PLGRKT: variants seen among roughly 807,000 people sequenced by gnomAD.
PLGRKT encodes plasminogen receptor with a C-terminal lysine, also known as plasminogen receptor (KT).
In PLGRKT, 22 loss-of-function variants were observed where a neutral mutation model predicts 18.5. That is an observed-to-expected ratio of 1.19 (90% confidence interval 0.85 to 1.70). The LOEUF is 1.70. PLGRKT is among the 40% of genes most tolerant of loss of function. The pLI is 0.00. For synonymous variants in PLGRKT, 72 were observed against 52.8 expected, an observed-to-expected ratio of 1.36 and a Z score of -1.58; for missense variants, 235 against 174.4, an observed-to-expected ratio of 1.35 and a Z score of -1.96.
intron 3 of PLGRKT, among the ~76,000 whole-genome samples, chr9:5,390,095 T>C (rs1208970325): frequency 6.6e-6 from 1 of 151,770 alleles, no homozygotes; most frequent in Non-Finnish European, 1.5e-5. Flanking sequence ...TAGAAGATTC[T>C]AAAATCCAGA....
intron 5 of PLGRKT, 93 bp downstream of exon 5, chr9:5,360,985 C>T: frequency 1.4e-6 from 1 of 713,334 alleles, no homozygotes; most frequent in Non-Finnish European, 2.4e-6. Context: ...AGAGTCTTGT[C>T]AGAATCTTTA....
chr9:5,418,455 C>T lies in PLGRKT; in HGVS notation c.81+13442G>A. On this transcript the variant is annotated intron_variant, in intron 3 of 5. Coordinates refer to ENST00000223864, the MANE Select transcript of PLGRKT (RefSeq NM_018465.4). This position sits in a 1 kb window ranked among gnomAD's most constrained non-coding sequence, Gnocchi z 4.2. ...TGAGGAGGAAGACCAAGACGCAAGCCACCAAGATGACAGTGCACACCCTCA... is the reference window on the plus strand; with the variant it reads ...TGAGGAGGAAGACCAAGACGCAAGCTACCAAGATGACAGTGCACACCCTCA... 9.6e-7 allele frequency: 1 copy of T among 1,036,830 alleles called. No homozygotes were observed. The highest frequency in any genetic ancestry group is 2.5e-5 in the East Asian group (1 of 39,530). 64.2% of individuals were successfully genotyped at this position (1,036,830 alleles called of 1,614,324 possible). A position where few individuals can be genotyped will look rare whatever the true frequency, so the allele number is the denominator to read the frequency against.
intron 3 of PLGRKT, among the ~76,000 whole-genome samples, chr9:5,402,946 C>G (rs1474627483): frequency 6.6e-6 from 1 of 151,704 alleles, no homozygotes; most frequent in Non-Finnish European, 1.5e-5. Flanking sequence ...CAGAAATGAG[C>G]AAGGGGCATT....
At chr9:5,409,679 T>C (rs1818324594) in intron 3 of PLGRKT, among the ~76,000 whole-genome samples, 2 of 152,190 alleles carry the variant, frequency 1.3e-5, no homozygotes, top group Non-Finnish European at 2.9e-5. Flanking sequence ...GCCCAAAGCC[T>C]TGGGAGCCCA....
chr9:5,359,307 C>G (rs1007451028), intron 5 of PLGRKT, among the ~76,000 whole-genome samples: 2 of 152,104 alleles, frequency 1.3e-5, no homozygotes, highest in African/African-American at 4.8e-5. Flanking sequence ...GCTTTGGCCT[C>G]CCAAAGTGCT....
At chr9:5,435,732 C>A (rs974337146) in intron 2 of PLGRKT, among the ~76,000 whole-genome samples, 1 of 152,214 alleles carries the variant, frequency 6.6e-6, no homozygotes, top group South Asian at 2.1e-4. Context: ...GGGAAAGTTA[C>A]AACTGCTCTA....
chr9:5,379,866 C>T (rs931547751), intron 3 of PLGRKT, among the ~76,000 whole-genome samples: 5 of 152,114 alleles, frequency 3.3e-5, no homozygotes, highest in Non-Finnish European at 7.4e-5. Flanking sequence ...GATAGAAAAT[C>T]TTCATGCTTT....
Position 5,387,406 on chromosome 9 carries a change from A to G in PLGRKT, c.82-25518T>C, listed in dbSNP as rs2131103925. Among the ~76,000 whole-genome samples, 2 of 152,058 alleles carry G rather than the reference A, an allele frequency of 1.3e-5. 1 individual carries two copies. The highest frequency in any genetic ancestry group is 4.8e-5 in the African/African-American group (2 of 41,320). ...CAAACTGGAATTAATCCACATGACC[A>G]TCAACAGCAGAATGGATAATTATGG... On this transcript the variant is annotated intron_variant, in intron 3 of 5. Coordinates refer to ENST00000223864, the MANE Select transcript of PLGRKT (RefSeq NM_018465.4).
At chr9:5,419,350 A>G (rs1403230778) in intron 3 of PLGRKT, among the ~76,000 whole-genome samples, 1 of 152,232 alleles carries the variant, frequency 6.6e-6, no homozygotes, top group African/African-American at 2.4e-5. Context: ...TGGAAATGGT[A>G]CGTGTTTGGG....
intron 3 of PLGRKT, among the ~76,000 whole-genome samples, chr9:5,371,040 TTATTA>T (rs1225225976): frequency 2.6e-5 from 4 of 152,234 alleles, no homozygotes; most frequent in Admixed American, 6.5e-5. Context: ...TAACAGCATC[TTATTA>T]TATATCTTCC....
intron 5 of PLGRKT, among the ~76,000 whole-genome samples, chr9:5,360,198 A>C (rs1817231896): frequency 6.6e-6 from 1 of 152,266 alleles, no homozygotes; most frequent in African/African-American, 2.4e-5. Flanking sequence ...TATTAGAAGA[A>C]TATTTCACCA....
intron 3 of PLGRKT, among the ~76,000 whole-genome samples, chr9:5,363,299 G>A (rs1015286158): frequency 6.6e-6 from 1 of 151,884 alleles, no homozygotes; most frequent in African/African-American, 2.4e-5. Flanking sequence ...GTTCCAGGCT[G>A]GCGTAACCAT....
intron 3 of PLGRKT, among the ~76,000 whole-genome samples, chr9:5,412,290 G>A (rs1346143882): frequency 1.3e-5 from 2 of 152,308 alleles, no homozygotes; most frequent in East Asian, 1.9e-4. Flanking sequence ...TATCATATAT[G>A]AGAATAAACC....
intron 3 of PLGRKT, among the ~76,000 whole-genome samples, chr9:5,387,672 G>A (rs369881605): frequency 3.3e-5 from 5 of 151,788 alleles, no homozygotes; most frequent in Admixed American, 6.6e-5. Flanking sequence ...CCTCCTGCGG[G>A]GGGGCTGGGA....
chr9:5,413,482 G>C (rs1034222861), intron 3 of PLGRKT, among the ~76,000 whole-genome samples: 4 of 152,126 alleles, frequency 2.6e-5, no homozygotes, highest in African/African-American at 9.7e-5. Context: ...TAATCACAAG[G>C]GTCCTAAAAG....
intron 3 of PLGRKT, among the ~76,000 whole-genome samples, chr9:5,380,343 G>A (rs566086219): frequency 9.5e-5 from 14 of 147,484 alleles, no homozygotes; most frequent in South Asian, 2.1e-4. Context: ...CTCCAGCCTC[G>A]GCCAAACAGC....
intron 3 of PLGRKT, among the ~76,000 whole-genome samples, chr9:5,431,160 G>A (rs1289900373): frequency 6.6e-6 from 1 of 152,160 alleles, no homozygotes; most frequent in Non-Finnish European, 1.5e-5. Context: ...CTTGACTCAT[G>A]ATCCTTAAAC....
At chr9:5,438,034 T>G (rs1214580832), upstream of PLGRKT, among the ~76,000 whole-genome samples, 1 of 152,038 alleles carries the variant, frequency 6.6e-6, no homozygotes, top group Non-Finnish European at 1.5e-5. Context: ...GAGGGGAAGG[T>G]CAAAAGAGGC....
At chr9:5,408,398 C>A (rs1057323583) in intron 3 of PLGRKT, among the ~76,000 whole-genome samples, 7 of 152,190 alleles carry the variant, frequency 4.6e-5, no homozygotes, top group Admixed American at 4.6e-4. Context: ...TGTGCCCCTG[C>A]CAAGGGATAT....
Sources: allele counts gnomAD v4.1 joint callset (sites outside exome capture counted in the v4.1 genomes callset), GRCh38; gene constraint gnomAD v4.1.1; non-coding constraint Gnocchi (gnomAD v3.1); transcripts MANE v1.5; gene names NCBI Gene and HGNC (gene_info 2026-07-23, HGNC 2026-07-21).